Variants in GRM7 observed in about 807,000 individuals in gnomAD.
GRM7 encodes glutamate metabotropic receptor 7.
Under a neutral mutation model 84.5 loss-of-function variants are expected in GRM7, and 35 were observed. That is an observed-to-expected ratio of 0.41 (90% CI 0.32 to 0.55). GRM7 has a LOEUF of 0.55. Among genes scored for constraint, GRM7 ranks in the 20% least tolerant of loss-of-function variants. GRM7 has a pLI of 0.19. For synonymous variants in GRM7, 487 were observed against 455.1 expected (o/e 1.07, Z -0.89); for missense variants, 1,003 against 1,194.6 (o/e 0.84, Z 2.36).
At chr3:6,889,699 T>C (rs2124979915) in intron 1 of GRM7, among the ~76,000 whole-genome samples, 1 of 152,284 alleles carries the variant, frequency 6.6e-6, no homozygotes, top group South Asian at 2.1e-4. Flanking sequence ...TTCTCTTTTT[T>C]GGTTGTGTCT....
intron 5 of GRM7, among the ~76,000 whole-genome samples, chr3:7,450,514 T>C (rs962219723): frequency 2.6e-5 from 4 of 152,154 alleles, no homozygotes; most frequent in African/African-American, 9.7e-5. Context: ...TTTAGACTGT[T>C]AGACATGATT....
At chr3:6,939,437 A>T (rs542226076) in intron 1 of GRM7, among the ~76,000 whole-genome samples, 15,798 of 148,892 alleles carry the variant, frequency 0.11, 855 homozygotes, top group African/African-American at 0.13. Flanking sequence ...ATCTGGATTA[A>T]AAAAAAAAAA....
At chr3:7,302,068 C>T (rs979942280) in intron 3 of GRM7, among the ~76,000 whole-genome samples, 1 of 151,806 alleles carries the variant, frequency 6.6e-6, no homozygotes, top group African/African-American at 2.4e-5. Flanking sequence ...ATTGTAAATC[C>T]ACTGGAAAAT....
At chr3:7,351,134 A>G (rs2125091239) in intron 4 of GRM7, among the ~76,000 whole-genome samples, 1 of 152,188 alleles carries the variant, frequency 6.6e-6, no homozygotes, top group Middle Eastern at 3.4e-3. Flanking sequence ...CTCTCATAGA[A>G]AGAAGTTCTT....
chr3:7,391,095 A>G (rs954933665), intron 4 of GRM7, among the ~76,000 whole-genome samples: 1 of 148,964 alleles, frequency 6.7e-6, no homozygotes, highest in South Asian at 2.1e-4. Context: ...TATATGATCT[A>G]TTGGTTTCAA....
intron 7 of GRM7, among the ~76,000 whole-genome samples, chr3:7,544,642 C>T (rs149785958): frequency 1.3e-5 from 2 of 152,302 alleles, no homozygotes; most frequent in Non-Finnish European, 2.9e-5. Flanking sequence ...ACAGGACTCA[C>T]AGCTACCTGT....
chr3:7,506,314 C>T (rs1167308796), intron 7 of GRM7, among the ~76,000 whole-genome samples: 1 of 152,168 alleles, frequency 6.6e-6, no homozygotes, highest in African/African-American at 2.4e-5. Flanking sequence ...GTCATAACTA[C>T]TTAAGTAATC....
intron 9 of GRM7, among the ~76,000 whole-genome samples, chr3:7,738,380 A>C (rs1702574229): frequency 6.6e-6 from 1 of 152,178 alleles, no homozygotes; most frequent in South Asian, 2.1e-4. Flanking sequence ...TGGAGATCAT[A>C]AACAGTGCTC....
At chr3:7,617,325 T>C (rs1697138529) in intron 8 of GRM7, among the ~76,000 whole-genome samples, 1 of 152,166 alleles carries the variant, frequency 6.6e-6, no homozygotes, top group Non-Finnish European at 1.5e-5. Context: ...GAGGATAAGA[T>C]GTTTTTCTTA....
chr3:7,138,847 G>C (rs557526968), intron 1 of GRM7, among the ~76,000 whole-genome samples: 2 of 151,264 alleles, frequency 1.3e-5, no homozygotes, highest in South Asian at 4.2e-4. Flanking sequence ...GTGCAGAATA[G>C]ATTCCTAAGA....
chr3:6,956,922 T>G (rs1398121656), intron 1 of GRM7, among the ~76,000 whole-genome samples: 1 of 152,154 alleles, frequency 6.6e-6, no homozygotes. Context: ...TCAATTAAAA[T>G]AACATGCAAT....
At chr3:7,601,782 A>G (rs1696323728) in intron 8 of GRM7, among the ~76,000 whole-genome samples, 1 of 152,048 alleles carries the variant, frequency 6.6e-6, no homozygotes. Flanking sequence ...TTGGTCTGAT[A>G]GGAAAGAGAG....
At chr3:7,554,188 T>C (rs916388570) in intron 7 of GRM7, among the ~76,000 whole-genome samples, 5 of 152,248 alleles carry the variant, frequency 3.3e-5, no homozygotes, top group African/African-American at 1.2e-4. Flanking sequence ...TATACAGTCC[T>C]TGAACCTAAA....
At chr3:7,633,118 G>A (rs1697929364) in intron 8 of GRM7, among the ~76,000 whole-genome samples, 1 of 152,270 alleles carries the variant, frequency 6.6e-6, no homozygotes, top group Admixed American at 6.5e-5. Context: ...GCCTGGGCCA[G>A]TGCGAGAGTA....
At chr3:7,576,517 C>T (rs927488683) in intron 7 of GRM7, among the ~76,000 whole-genome samples, 7 of 152,136 alleles carry the variant, frequency 4.6e-5, no homozygotes, top group Non-Finnish European at 8.8e-5. Flanking sequence ...CACATTCAAG[C>T]GTTGATGAAA....
rs1287165184 is a variant in GRM7, at chr3:6,902,883, C to CACA, written c.519+40976_519+40977insACA. On this transcript the variant is annotated intron_variant, in intron 1 of 9. Transcript: ENST00000357716. ...CACACACACACACACACACACACAC[C>CACA]CCTACTCTAGAGAATGGAATTTTAA... is the stretch of plus-strand genomic sequence containing the variant. Among the ~76,000 whole-genome samples, 767 of 131,542 alleles carry CACA rather than the reference C, an allele frequency of 5.8e-3. 3 individuals are homozygous for CACA. Among genetic ancestry groups the CACA allele is most frequent in the Non-Finnish European group, 9.4e-3 (563 of 59,924 alleles). 86.3% of individuals were successfully genotyped at this position (131,542 alleles called of 152,430 possible). A position where few individuals can be genotyped will look rare whatever the true frequency, so the allele number is the denominator to read the frequency against.
chr3:7,214,799 T>G (rs1482368833), intron 2 of GRM7, among the ~76,000 whole-genome samples: 1 of 152,172 alleles, frequency 6.6e-6, no homozygotes. Context: ...TTGGGTTTGT[T>G]TTTTTTGTTG....
At chr3:6,957,573 A>G (rs1390811449) in intron 1 of GRM7, among the ~76,000 whole-genome samples, 1 of 152,172 alleles carries the variant, frequency 6.6e-6, no homozygotes, top group Non-Finnish European at 1.5e-5. Context: ...TGGTTTCTGC[A>G]TATGTCCCAA....
At chr3:6,927,245 T>C (rs1697329749) in intron 1 of GRM7, among the ~76,000 whole-genome samples, 1 of 152,044 alleles carries the variant, frequency 6.6e-6, no homozygotes, top group South Asian at 2.1e-4. Flanking sequence ...CTGGCCAACA[T>C]GGTGAAACCT....
Sources: gnomAD v4.1 joint callset for allele counts (sites outside exome capture counted in the v4.1 genomes callset) on GRCh38, gnomAD v4.1.1 for gene constraint, MANE v1.5 for transcripts, NCBI Gene and HGNC (gene_info 2026-07-23, HGNC 2026-07-21) for gene names.